Variants in NCKAP1L observed in about 807,000 individuals in gnomAD.
NCKAP1L encodes the protein NCK associated protein 1 like.
NCKAP1L carries 53 observed loss-of-function variants against 139.2 expected under a neutral mutation model. That is an observed-to-expected ratio of 0.38 (90% CI 0.31 to 0.48). The LOEUF is 0.48. Among genes scored for constraint, NCKAP1L ranks in the 20% least tolerant of loss-of-function variants. The pLI, the probability that NCKAP1L is intolerant of heterozygous loss-of-function variation, is 0.98. For synonymous variants in NCKAP1L, 468 were observed against 499.7 expected (o/e 0.94, Z 0.85); for missense variants, 1,151 against 1,381.9 (o/e 0.83, Z 2.65).
intron 3 of NCKAP1L, among the ~76,000 whole-genome samples, chr12:54,501,449 A>G (rs1956797501): frequency 6.6e-6 from 1 of 152,094 alleles, no homozygotes; most frequent in Non-Finnish European, 1.5e-5. Flanking sequence ...CCTACTTTCA[A>G]TTCTTTTGAT....
chr12:54,499,793 C>T (rs1051417536), intron 2 of NCKAP1L, among the ~76,000 whole-genome samples: 3 of 152,156 alleles, frequency 2.0e-5, no homozygotes, highest in Admixed American at 6.5e-5. Context: ...TTCTGTTTCC[C>T]ACTCACTGTT....
intron 9 of NCKAP1L, among the ~76,000 whole-genome samples, chr12:54,513,738 G>A (rs960540145): frequency 4.6e-5 from 7 of 152,158 alleles, no homozygotes; most frequent in African/African-American, 1.4e-4. Context: ...GCTGCAGTGA[G>A]TTTAGGAGCA....
intron 3 of NCKAP1L, among the ~76,000 whole-genome samples, chr12:54,502,631 C>A (rs532968008): frequency 6.1e-4 from 93 of 151,992 alleles, no homozygotes; most frequent in African/African-American, 2.0e-3. Context: ...ATATAATTAT[C>A]ATACTCAGGA....
At position 54,531,719 on chromosome 12, in the gene NCKAP1L, T is replaced by A. The variant is rs753556059; in HGVS notation, c.2699-24T>A. The A allele has an allele frequency of 6.2e-6, 10 of 1,609,538 alleles. No homozygotes were observed. The South Asian group carries it at 1.1e-4, about 18-fold the overall frequency. On this transcript the variant is annotated intron_variant, in intron 24 of 30. Transcript: ENST00000293373. ...ACCAATCCCTCTCTAAATTATCTTT[T>A]CTAACACGCTTCTTTCTCCTCAGGG...
Position 54,543,395 on chromosome 12 carries a change from T to G in NCKAP1L, c.*710T>G, listed in dbSNP as rs1045840470. 1 of 152,214 alleles carries G rather than the reference T, an allele frequency of 6.6e-6. No individual in the cohort carries two copies. The highest frequency in any genetic ancestry group is 2.1e-4 in the South Asian group (1 of 4,828). 9.4% of individuals were successfully genotyped at this position (152,214 alleles called of 1,614,324 possible). A position where few individuals can be genotyped will look rare whatever the true frequency, so the allele number is the denominator to read the frequency against. ...ACAAGTTCTCTCTTGCTTTAACCCC[T>G]CCTGCTTTGATATCTCCACAACCCA... On this transcript the variant is annotated 3_prime_UTR_variant, in exon 31 of 31. Coordinates refer to ENST00000293373, the MANE Select transcript of NCKAP1L (RefSeq NM_005337.5).
intron 9 of NCKAP1L, among the ~76,000 whole-genome samples, chr12:54,513,898 A>C (rs912052516): frequency 6.6e-6 from 1 of 152,172 alleles, no homozygotes; most frequent in Non-Finnish European, 1.5e-5. Flanking sequence ...ACATCCAGAA[A>C]TGTAAAAAGT....
At chr12:54,516,747 T>C (rs2120916562) in intron 10 of NCKAP1L, 149 bp from the exon 11 acceptor site, 3 of 639,280 alleles carry the variant, frequency 4.7e-6, no homozygotes, top group Non-Finnish European at 7.8e-6. Flanking sequence ...CTCCTGGCCC[T>C]TTTTTCTTTT....
intron 3 of NCKAP1L, 139 bp downstream of exon 3, chr12:54,500,764 T>C: frequency 1.6e-6 from 1 of 636,122 alleles, no homozygotes; most frequent in East Asian, 2.7e-5. Flanking sequence ...ATCTAAGTTG[T>C]ATTGTTAAAT....
rs939764080 is a variant in NCKAP1L at position 54,506,795 on chromosome 12, AAATAT to A, written c.307-1056_307-1052del. Reference sequence around the variant, plus strand: ...CTTTTGGCAACATATTAAAAAAAAAAAATATATATATATATATATATATATATATT... The same window carrying A: ...CTTTTGGCAACATATTAAAAAAAAAAATATATATATATATATATATATATT... On this transcript the variant is annotated intron_variant, in intron 3 of 30. Coordinates refer to ENST00000293373, the MANE Select transcript of NCKAP1L (RefSeq NM_005337.5). Among the ~76,000 whole-genome samples, 308 of 82,414 alleles carry A rather than the reference AAATAT, an allele frequency of 3.7e-3. 15 individuals carry two copies. In the East Asian group the frequency reaches 0.075, roughly 20 times the overall value. The allele number at this position is 82,414 out of a possible 152,430, so 54.1% of individuals were successfully genotyped here. A position where few individuals can be genotyped will look rare whatever the true frequency, so the allele number is the denominator to read the frequency against.
intron 1 of NCKAP1L, 74 bp downstream of exon 1, chr12:54,497,965 C>A: frequency 1.1e-6 from 1 of 913,146 alleles, no homozygotes; most frequent in Non-Finnish European, 1.8e-6. Context: ...GCGGCAGGTG[C>A]AGCAGTTAGA....
chr12:54,531,346 G>A lies in NCKAP1L; in HGVS notation c.2593G>A (p.Val865Met), dbSNP rs767094242. 1.2e-6 allele frequency: 2 copies of A among 1,614,064 alleles called. No homozygotes were observed. Among genetic ancestry groups the A allele is most frequent in the South Asian group, 1.1e-5 (1 of 91,074 alleles). The part of the protein sequence containing the change: ...NLMWHVTSQI[V>M]ELKKLVVENM... ...GATGTGGCATGTGACCTCTCAGATT[G>A]TGGAGCTGAAGGTACTATGGAAACA... Residue 865 changes from valine to methionine, a missense_variant, in exon 23 of 31, where the codon GTG (valine) becomes ATG (methionine). By Grantham distance (21) the Val-to-Met change is conservative. Coordinates refer to ENST00000293373, the MANE Select transcript of NCKAP1L (RefSeq NM_005337.5).
chr12:54,517,934 T>C lies in NCKAP1L; in HGVS notation c.1334T>C (p.Ile445Thr), dbSNP rs1482337271. ...GATGCTCTTGTGCTCAGTGACATCA[T>C]TCAGGTATGATATTTAATTGATTAT... ...RFDALVLSDI[I>T]QNLSVCPEEE... The change falls in exon 13 of 31, where the codon ATT (isoleucine) becomes ACT (threonine). Residue 445 changes from isoleucine to threonine, a missense_variant. Coordinates refer to ENST00000293373, the MANE Select transcript of NCKAP1L (RefSeq NM_005337.5). 6.2e-7 allele frequency: 1 copy of C among 1,614,158 alleles called. No homozygotes were observed. The highest frequency in any genetic ancestry group is 1.7e-5 in the Admixed American group (1 of 60,024).
At chr12:54,507,800 C>T (rs555910248) in intron 3 of NCKAP1L, 53 bp from the exon 4 acceptor site, 9 of 1,537,208 alleles carry the variant, frequency 5.9e-6, no homozygotes, top group South Asian at 5.6e-5. Flanking sequence ...TCTGGTAGTA[C>T]GTCACCTTCT....
At chr12:54,529,665 A>G (rs1287391385) in intron 22 of NCKAP1L, among the ~76,000 whole-genome samples, 1 of 152,156 alleles carries the variant, frequency 6.6e-6, no homozygotes, top group Non-Finnish European at 1.5e-5. Flanking sequence ...CTCTACCCAC[A>G]AACTGTAGGC....
At chr12:54,524,455 T>C (rs2252132) in intron 20 of NCKAP1L, among the ~76,000 whole-genome samples, 99,731 of 152,052 alleles carry the variant, frequency 0.66, 34,110 homozygotes, top group East Asian at 0.99. Flanking sequence ...CATCCCTAGC[T>C]TCCACTTTGC....
chr12:54,529,136 C>T (rs1026715590), intron 22 of NCKAP1L, among the ~76,000 whole-genome samples: 4 of 152,196 alleles, frequency 2.6e-5, no homozygotes, highest in Non-Finnish European at 5.9e-5. Context: ...GATGAGGACA[C>T]TGGGACACAG....
intron 17 of NCKAP1L, 113 bp downstream of exon 17, chr12:54,520,939 T>C (rs1956977943): frequency 6.7e-7 from 1 of 1,491,710 alleles, no homozygotes; most frequent in African/African-American, 1.4e-5. Flanking sequence ...CATAGATGTA[T>C]GATATGAGTC....
chr12:54,512,137 T>C, intron 9 of NCKAP1L, 32 bp downstream of exon 9: 2 of 1,606,380 alleles, frequency 1.2e-6, no homozygotes, highest in East Asian at 2.2e-5. Flanking sequence ...CTGATCTTCC[T>C]TGAATAGTTT....
chr12:54,538,764 C>A, intron 29 of NCKAP1L, 120 bp from the exon 30 acceptor site: 1 of 754,144 alleles, frequency 1.3e-6, no homozygotes, highest in Non-Finnish European at 2.2e-6. Context: ...CACCCTGAGT[C>A]TTCAGGAACA....
Sources: allele counts gnomAD v4.1 joint callset (sites outside exome capture counted in the v4.1 genomes callset), GRCh38; gene constraint gnomAD v4.1.1; transcripts MANE v1.5; gene names NCBI Gene and HGNC (gene_info 2026-07-23, HGNC 2026-07-21).